GRAP: variants seen among roughly 807,000 people sequenced by gnomAD.
GRAP encodes the protein GRB2-related adapter protein.
A neutral mutation model predicts 9.1 loss-of-function variants in GRAP; 2 were observed. The observed-to-expected ratio is 0.22, with a 90% CI of 0.09 to 0.69. The LOEUF is 0.69. Ranked by LOEUF, GRAP falls within the 30% of genes least tolerant of loss-of-function variation. The pLI is 0.81. For missense variants in GRAP, 113 were observed against 179.4 expected (o/e 0.63, Z 2.12); for synonymous variants, 68 against 73.6 (o/e 0.92, Z 0.39).
chr17:19,024,948 A>T lies in GRAP; in HGVS notation c.300-565T>A, dbSNP rs1365828847. Among the ~76,000 whole-genome samples the T allele has an allele frequency of 6.6e-6, 1 of 152,038 alleles. No individual in the cohort carries two copies. Among genetic ancestry groups the T allele is most frequent in the Non-Finnish European group, 1.5e-5 (1 of 68,006 alleles). ...GAATGTCTCACGTCCTCCCCCTCCC[A>T]TGAACCTTCCGTGGCTTCTCCCTTG... On this transcript the variant is annotated intron_variant, in intron 3 of 4. Coordinates refer to ENST00000284154, the MANE Select transcript of GRAP (RefSeq NM_006613.4). This position sits in a 1 kb window ranked among gnomAD's most constrained non-coding sequence, Gnocchi z 4.2.
Position 19,024,967 on chromosome 17 carries a change from T to C in GRAP, c.300-584A>G, listed in dbSNP as rs921879558. Among the ~76,000 whole-genome samples, 3 of 152,150 alleles carry C rather than the reference T, an allele frequency of 2.0e-5. No individual in the cohort carries two copies. The highest frequency in any genetic ancestry group is 7.2e-5 in the African/African-American group (3 of 41,434). On this transcript the variant is annotated intron_variant, in intron 3 of 4. Coordinates refer to ENST00000284154, the MANE Select transcript of GRAP (RefSeq NM_006613.4). The surrounding 1 kb of genome is among the most constrained non-coding windows in gnomAD (Gnocchi z 4.2). ...CCTCCCATGAACCTTCCGTGGCTTC[T>C]CCCTTGGCCTCAGGGTAAACTCTTA...
At position 19,024,235 on chromosome 17, in the gene GRAP, C is replaced by A; in HGVS notation, c.448G>T (p.Asp150Tyr). The stretch of plus-strand genomic sequence containing the variant: ...CCTACCTTGAGCAAGGGCTCCTCGT[C>A]GCGCAGGAAGATCTGCCGCTTCTTG... ...IAKKRQIFLR[D>Y]EEPLLKSPGA... The change falls in exon 4 of 5, where the codon GAC becomes TAC. Residue 150 changes from aspartate to tyrosine, a missense_variant. Coordinates refer to ENST00000284154, the MANE Select transcript of GRAP (RefSeq NM_006613.4). The surrounding 1 kb of genome is among the most constrained non-coding windows in gnomAD (Gnocchi z 4.2). 1 of 1,594,644 alleles carries A rather than the reference C, an allele frequency of 6.3e-7. No individual in the cohort carries two copies. The highest frequency in any genetic ancestry group is 1.1e-5 in the South Asian group (1 of 87,952).
chr17:19,022,958 G>A (rs982233815), intron 4 of GRAP, among the ~76,000 whole-genome samples: 20 of 152,208 alleles, frequency 1.3e-4, no homozygotes, highest in African/African-American at 4.8e-4. Context: ...CCACAGGGTG[G>A]GTGACCCCAC....
chr17:19,025,392 C>T (rs1284378679), intron 3 of GRAP, among the ~76,000 whole-genome samples: 21 of 147,304 alleles, frequency 1.4e-4, no homozygotes, highest in Middle Eastern at 3.5e-3. Context: ...CGGGGTTTCA[C>T]CATCTTGGCC....
In GRAP at chr17:19,021,905, C is replaced by T. The variant is rs1390452711; in HGVS notation, c.*54G>A. 3 of 1,440,030 alleles carry T rather than the reference C, an allele frequency of 2.1e-6. No homozygotes were observed. The highest frequency in any genetic ancestry group is 1.8e-6 in the Non-Finnish European group (2 of 1,095,482). The allele number at this position is 1,440,030 out of a possible 1,614,324, so 89.2% of individuals were successfully genotyped here. On this transcript the variant is annotated 3_prime_UTR_variant, in exon 5 of 5. Coordinates refer to ENST00000284154, the MANE Select transcript of GRAP (RefSeq NM_006613.4). This position sits in a 1 kb window ranked among gnomAD's most constrained non-coding sequence, Gnocchi z 4.1. ...AGAGCTGGGGGTGTCCATGTCCTCT[C>T]TGGACCTCAGTTCCTGTAAAAAGGC...
rs2044298185 is a variant in GRAP, at chr17:19,024,552, C to G, written c.300-169G>C. On this transcript the variant is annotated intron_variant, in intron 3 of 4. Coordinates refer to ENST00000284154, the MANE Select transcript of GRAP (RefSeq NM_006613.4). This position sits in a 1 kb window ranked among gnomAD's most constrained non-coding sequence, Gnocchi z 4.2. ...CCACTGACCCAGCTCCACATGGGGTCTGGGGAGTCCCATCTGGCAGTGGAA... is the reference window on the plus strand; with the variant it reads ...CCACTGACCCAGCTCCACATGGGGTGTGGGGAGTCCCATCTGGCAGTGGAA... 1 of 732,414 alleles carries G rather than the reference C, an allele frequency of 1.4e-6. No individual in the cohort carries two copies. The highest frequency in any genetic ancestry group is 1.9e-5 in the African/African-American group (1 of 52,234). The allele number at this position is 732,414 out of a possible 1,614,324, so 45.4% of individuals were successfully genotyped here. A position where few individuals can be genotyped will look rare whatever the true frequency, so the allele number is the denominator to read the frequency against.
intron 4 of GRAP, among the ~76,000 whole-genome samples, chr17:19,023,021 C>T (rs998236020): frequency 6.6e-6 from 1 of 152,208 alleles, no homozygotes; most frequent in African/African-American, 2.4e-5. Context: ...GTTGCCCCTG[C>T]CCTAGCTCCA....
intron 3 of GRAP, chr17:19,030,334 C>T (rs978941395): frequency 6.7e-6 from 2 of 300,580 alleles, no homozygotes; most frequent in African/African-American, 3.8e-5. Context: ...TAGGACACCC[C>T]CTCCACCACC....
chr17:19,021,722 G>C lies in GRAP; in HGVS notation c.*237C>G, dbSNP rs1253683997. ...GCCCTGTGGTGTCACACAGCTGGCA[G>C]CCAATGGAAAGCAACCAGCCAGGAA... is the stretch of plus-strand genomic sequence containing the variant. On this transcript the variant is annotated 3_prime_UTR_variant, in exon 5 of 5. Coordinates refer to ENST00000284154, the MANE Select transcript of GRAP (RefSeq NM_006613.4). The surrounding 1 kb of genome is among the most constrained non-coding windows in gnomAD (Gnocchi z 4.1). 1.2e-5 allele frequency: 5 copies of C among 406,770 alleles called. No homozygotes were observed. Among genetic ancestry groups the C allele is most frequent in the African/African-American group, 4.1e-5 (2 of 48,704 alleles). The allele number at this position is 406,770 out of a possible 1,614,324, so 25.2% of individuals were successfully genotyped here.
rs140671488 is a variant in GRAP at position 19,024,612 on chromosome 17, A to T, written c.300-229T>A. On this transcript the variant is annotated intron_variant, in intron 3 of 4. Transcript: ENST00000284154. This position sits in a 1 kb window ranked among gnomAD's most constrained non-coding sequence, Gnocchi z 4.2. ...AATTTAAGGGTGTGGGCTCTGAACC[A>T]GGCCACTTTCTCACTGTGTGACCTC... The T allele has an allele frequency of 1.3e-5, 3 of 234,996 alleles. No homozygotes were observed. The East Asian group carries it at 5.4e-4, about 43-fold the overall frequency. The allele number at this position is 234,996 out of a possible 1,614,324, so 14.6% of individuals were successfully genotyped here.
intron 4 of GRAP, chr17:19,022,483 G>C (rs2044279854): frequency 3.8e-6 from 1 of 263,352 alleles, no homozygotes; most frequent in African/African-American, 2.2e-5. Context: ...TTATTTACCC[G>C]ACTCTGCAGC....
chr17:19,025,713 C>T (rs1251730288), intron 3 of GRAP, among the ~76,000 whole-genome samples: 61 of 116,980 alleles, frequency 5.2e-4, no homozygotes, highest in East Asian at 4.6e-3. Flanking sequence ...CCCAGGTTCA[C>T]GCCATTCTCC....
chr17:19,030,168 CAA>C (rs2044329651), intron 3 of GRAP, among the ~76,000 whole-genome samples: 1 of 119,890 alleles, frequency 8.3e-6, no homozygotes, highest in East Asian at 2.4e-4. Context: ...CCCCAAGGAC[CAA>C]GTCAGGCCTA....
intron 3 of GRAP, among the ~76,000 whole-genome samples, chr17:19,025,054 T>C (rs575592415): frequency 6.6e-6 from 1 of 152,216 alleles, no homozygotes; most frequent in Non-Finnish European, 1.5e-5. Flanking sequence ...TTATATCCTC[T>C]CCGATGAAGC....
At chr17:19,025,189 CTTTTCTTTTT>C (rs1475727137) in intron 3 of GRAP, among the ~76,000 whole-genome samples, 1 of 143,540 alleles carries the variant, frequency 7.0e-6, no homozygotes. Context: ...TTTTTCTTTT[CTTTTCTTTTT>C]TTTTTTTTTT....
chr17:19,027,468 ATG>A (rs1491158008), intron 3 of GRAP, among the ~76,000 whole-genome samples: 2 of 107,916 alleles, frequency 1.9e-5, no homozygotes, highest in African/African-American at 7.7e-5. Flanking sequence ...GATGGGACAC[ATG>A]CGCGCGCGCG....
Position 19,024,580 on chromosome 17 carries a change from T to C in GRAP, c.300-197A>G, listed in dbSNP as rs955812679. On this transcript the variant is annotated intron_variant, in intron 3 of 4. Coordinates refer to ENST00000284154, the MANE Select transcript of GRAP (RefSeq NM_006613.4). This position sits in a 1 kb window ranked among gnomAD's most constrained non-coding sequence, Gnocchi z 4.2. Reference sequence around the variant, plus strand: ...GGGAGTCCCATCTGGCAGTGGAATATGGGGTTAATTTAAGGGTGTGGGCTC... The same window carrying C: ...GGGAGTCCCATCTGGCAGTGGAATACGGGGTTAATTTAAGGGTGTGGGCTC... 1 of 442,804 alleles carries C rather than the reference T, an allele frequency of 2.3e-6. No homozygotes were observed. The highest frequency in any genetic ancestry group is 2.1e-5 in the African/African-American group (1 of 46,964). 27.4% of individuals were successfully genotyped at this position (442,804 alleles called of 1,614,324 possible).
intron 4 of GRAP, among the ~76,000 whole-genome samples, chr17:19,023,862 G>A (rs190188279): frequency 6.6e-6 from 1 of 152,146 alleles, no homozygotes; most frequent in East Asian, 1.9e-4. Context: ...ATGGTACCCA[G>A]TATGCTCAGT....
rs2071363906 is a variant in GRAP at position 19,021,864 on chromosome 17, C to T, written c.*95G>A. 5 of 1,299,854 alleles carry T rather than the reference C, an allele frequency of 3.8e-6. No homozygotes were observed. The highest frequency in any genetic ancestry group is 5.0e-6 in the Non-Finnish European group (5 of 993,844). 80.5% of individuals were successfully genotyped at this position (1,299,854 alleles called of 1,614,324 possible). On this transcript the variant is annotated 3_prime_UTR_variant, in exon 5 of 5. Coordinates refer to ENST00000284154, the MANE Select transcript of GRAP (RefSeq NM_006613.4). This position sits in a 1 kb window ranked among gnomAD's most constrained non-coding sequence, Gnocchi z 4.1. ...TTCAGTCCAAGGCCGTCCACTGAGC[C>T]CCGTGTGACTCTGACAGAGCTGGGG...
Sources: allele counts gnomAD v4.1 joint callset (sites outside exome capture counted in the v4.1 genomes callset), GRCh38; gene constraint gnomAD v4.1.1; non-coding constraint Gnocchi (gnomAD v3.1); transcripts MANE v1.5; gene names NCBI Gene and HGNC (gene_info 2026-07-23, HGNC 2026-07-21).